The following DCC variants were observed in gnomAD, a reference collection of about 807,000 sequenced individuals.
DCC encodes netrin receptor DCC.
DCC carries 58 observed loss-of-function variants against 172.5 expected under a neutral mutation model. The observed-to-expected ratio is 0.34, with a 90% confidence interval of 0.27 to 0.42. DCC has a LOEUF of 0.42. DCC is among the 10% of genes least tolerant of loss of function. The pLI, the probability that DCC is intolerant of heterozygous loss-of-function variation, is 1.00. For missense variants in DCC, 1,740 were observed against 1,791.0 expected (o/e 0.97, Z 0.51); for synonymous variants, 709 against 644.5 (o/e 1.10, Z -1.52).
At chr18:52,778,864 G>A (rs968368233) in intron 2 of DCC, among the ~76,000 whole-genome samples, 5 of 152,176 alleles carry the variant, frequency 3.3e-5, no homozygotes, top group Admixed American at 2.0e-4. Context: ...AGATAGGGTT[G>A]TAATTTTATT....
intron 2 of DCC, among the ~76,000 whole-genome samples, chr18:52,880,336 T>A (rs1263033076): frequency 2.0e-5 from 3 of 152,104 alleles, no homozygotes; most frequent in African/African-American, 7.2e-5. Context: ...TTAGTAGAGA[T>A]GTGGTTTCAC....
chr18:53,200,651 G>C (rs1373467692), intron 9 of DCC, among the ~76,000 whole-genome samples: 1 of 152,150 alleles, frequency 6.6e-6, no homozygotes, highest in African/African-American at 2.4e-5. Flanking sequence ...TTGAGCTGCA[G>C]ATATTCCTAT....
chr18:52,853,868 G>A (rs867887336), intron 2 of DCC, among the ~76,000 whole-genome samples: 1 of 152,210 alleles, frequency 6.6e-6, no homozygotes, highest in African/African-American at 2.4e-5. Flanking sequence ...TAACTTCGGG[G>A]TAGGAGTCCC....
chr18:52,465,435 A>G (rs994363201), intron 1 of DCC, among the ~76,000 whole-genome samples: 3 of 152,130 alleles, frequency 2.0e-5, no homozygotes, highest in East Asian at 1.9e-4. Context: ...TGTCACAGCA[A>G]GTGTGCTCAG....
chr18:53,176,740 A>G (rs2055101759), intron 8 of DCC, among the ~76,000 whole-genome samples: 1 of 151,488 alleles, frequency 6.6e-6, no homozygotes, highest in South Asian at 2.1e-4. Flanking sequence ...GGGACTGTAA[A>G]CTAGTTCAAC....
chr18:52,669,099 T>C (rs2035506429), intron 1 of DCC, among the ~76,000 whole-genome samples: 1 of 152,130 alleles, frequency 6.6e-6, no homozygotes, highest in South Asian at 2.1e-4. Flanking sequence ...GGAAAACCAG[T>C]GAGCCAGGAG....
chr18:53,327,669 A>G (rs147301618), intron 14 of DCC, among the ~76,000 whole-genome samples: 32 of 152,224 alleles, frequency 2.1e-4, no homozygotes, highest in African/African-American at 7.5e-4. Context: ...AGCCTTATTA[A>G]CCCAAACTGG....
At chr18:53,294,386 G>A (rs148903912) in intron 12 of DCC, among the ~76,000 whole-genome samples, 156 of 152,356 alleles carry the variant, frequency 1.0e-3, no homozygotes, top group Non-Finnish European at 1.6e-3. Context: ...ACAGTATCCA[G>A]AGAAGTGGAG....
intron 5 of DCC, among the ~76,000 whole-genome samples, chr18:53,058,460 A>G (rs1179716201): frequency 1.3e-5 from 2 of 152,112 alleles, no homozygotes; most frequent in African/African-American, 4.8e-5. Flanking sequence ...TTACCCTTTA[A>G]TTAGAGATGA....
chr18:53,078,359 T>G (rs1342919661), intron 7 of DCC, among the ~76,000 whole-genome samples: 1 of 152,120 alleles, frequency 6.6e-6, no homozygotes, highest in Non-Finnish European at 1.5e-5. Context: ...GAATCACAAA[T>G]GAGAGATGTT....
chr18:52,461,769 G>A (rs111276558), intron 1 of DCC, among the ~76,000 whole-genome samples: 1 of 152,134 alleles, frequency 6.6e-6, no homozygotes, highest in African/African-American at 2.4e-5. Flanking sequence ...TATTTGTGGT[G>A]ATCTCCTCCA....
At chr18:53,384,829 A>C (rs1396889912) in intron 15 of DCC, among the ~76,000 whole-genome samples, 1 of 147,434 alleles carries the variant, frequency 6.8e-6, no homozygotes, top group African/African-American at 2.5e-5. Flanking sequence ...TAATTTTGTA[A>C]AGAAGTTTAC....
At chr18:53,382,105 C>CACACACACACACA (rs1555661810) in intron 15 of DCC, among the ~76,000 whole-genome samples, 4 of 51,774 alleles carry the variant, frequency 7.7e-5, no homozygotes, top group African/African-American at 1.7e-4. Context: ...CACACACACA[C>CACACACACACACA]CCCTACCTCC....
At chr18:52,525,879 T>C (rs753871384) in intron 1 of DCC, among the ~76,000 whole-genome samples, 1 of 152,206 alleles carries the variant, frequency 6.6e-6, no homozygotes, top group South Asian at 2.1e-4. Context: ...ATTTGAGTTA[T>C]GTTATCTTTG....
intron 18 of DCC, 31 bp from the exon 19 acceptor site, chr18:53,402,755 G>T: frequency 6.9e-7 from 1 of 1,439,994 alleles, no homozygotes; most frequent in South Asian, 1.1e-5. Context: ...CACATCCAAT[G>T]ACAAGGCCTT....
intron 2 of DCC, among the ~76,000 whole-genome samples, chr18:52,881,959 GTCT>G (rs1446137256): frequency 1.3e-5 from 2 of 151,874 alleles, no homozygotes; most frequent in Non-Finnish European, 2.9e-5. Flanking sequence ...ATTTTTGTAT[GTCT>G]TCTTTAATTT....
rs1422043977 is a variant in DCC at position 52,751,389 on chromosome 18, T to C, written c.92-665T>C. 2.6e-5 allele frequency among the ~76,000 whole-genome samples: 4 copies of C among 152,328 alleles called. No individual in the cohort carries two copies. The East Asian group carries it at 7.7e-4, about 29-fold the overall frequency. On this transcript the variant is annotated intron_variant, in intron 1 of 28. Coordinates refer to ENST00000442544, the MANE Select transcript of DCC (RefSeq NM_005215.4). ...GATTCTTTATGTTCATTTACGTTTA[T>C]GAAACAAATTCAACTGTAATATTTA...
intron 15 of DCC, among the ~76,000 whole-genome samples, chr18:53,381,218 A>AT (rs146453554): frequency 1.4e-4 from 21 of 152,160 alleles, no homozygotes; most frequent in African/African-American, 4.6e-4. Context: ...GGTATTTTTA[A>AT]TTTTTTTTCT....
At chr18:53,053,139 T>G (rs1330309220) in intron 5 of DCC, among the ~76,000 whole-genome samples, 2 of 151,976 alleles carry the variant, frequency 1.3e-5, no homozygotes, top group Non-Finnish European at 2.9e-5. Context: ...CAAGACTCCA[T>G]CTCAAACAAA....
Sources: gnomAD v4.1 joint callset for allele counts (sites outside exome capture counted in the v4.1 genomes callset) on GRCh38, gnomAD v4.1.1 for gene constraint, MANE v1.5 for transcripts, NCBI Gene and HGNC (gene_info 2026-07-23, HGNC 2026-07-21) for gene names.